Variants in CLEC16A observed in about 807,000 individuals in gnomAD.
CLEC16A encodes protein CLEC16A.
Under a neutral mutation model 109.5 loss-of-function variants are expected in CLEC16A, and 51 were observed. That is an observed-to-expected ratio of 0.47 (90% CI 0.37 to 0.59). The LOEUF is 0.59. Ranked by LOEUF, CLEC16A falls within the 20% of genes least tolerant of loss-of-function variation. The pLI, the probability that CLEC16A is intolerant of heterozygous loss-of-function variation, is 0.00. For synonymous variants in CLEC16A, 673 were observed against 564.2 expected, an observed-to-expected ratio of 1.19 and a Z score of -2.73; for missense variants, 1,339 against 1,394.0, an observed-to-expected ratio of 0.96 and a Z score of 0.63.
At chr16:11,151,098 C>G (rs1597574830) in intron 22 of CLEC16A, among the ~76,000 whole-genome samples, 1 of 152,150 alleles carries the variant, frequency 6.6e-6, no homozygotes, top group Non-Finnish European at 1.5e-5. Flanking sequence ...GGACTTCAAC[C>G]TAAGAATTTG....
intron 23 of CLEC16A, among the ~76,000 whole-genome samples, chr16:11,167,483 C>G (rs993766685): frequency 6.6e-6 from 1 of 152,152 alleles, no homozygotes; most frequent in Non-Finnish European, 1.5e-5. Flanking sequence ...AGGACACGGG[C>G]TACTGCAGAG....
chr16:11,039,175 C>T (rs2047183963), intron 13 of CLEC16A, among the ~76,000 whole-genome samples: 1 of 152,120 alleles, frequency 6.6e-6, no homozygotes, highest in African/African-American at 2.4e-5. Flanking sequence ...TTCCCTGTGT[C>T]TAGGAGAATG....
At chr16:11,008,743 C>A (rs2045202792) in intron 11 of CLEC16A, among the ~76,000 whole-genome samples, 1 of 150,658 alleles carries the variant, frequency 6.6e-6, no homozygotes, top group African/African-American at 2.5e-5. Flanking sequence ...GTAATCCCAG[C>A]ACTTTGGGAG....
chr16:11,168,663 C>T (rs1245071223), intron 23 of CLEC16A, among the ~76,000 whole-genome samples: 2 of 152,252 alleles, frequency 1.3e-5, no homozygotes, highest in Non-Finnish European at 2.9e-5. Context: ...TGAGGCCAGA[C>T]TTCTAGGCCA....
intron 1 of CLEC16A, among the ~76,000 whole-genome samples, chr16:10,945,760 C>T (rs2041328165): frequency 6.6e-6 from 1 of 152,236 alleles, no homozygotes; most frequent in African/African-American, 2.4e-5. Flanking sequence ...CCAGACCACC[C>T]TACCTAACGT....
intron 10 of CLEC16A, among the ~76,000 whole-genome samples, chr16:10,987,535 A>G (rs1372928717): frequency 6.6e-6 from 1 of 152,180 alleles, no homozygotes; most frequent in African/African-American, 2.4e-5. Context: ...GGACACCTGA[A>G]CTGAAAATGA....
At chr16:11,079,081 C>T (rs147226494) in intron 19 of CLEC16A, among the ~76,000 whole-genome samples, 3 of 152,316 alleles carry the variant, frequency 2.0e-5, no homozygotes, top group African/African-American at 7.2e-5. Context: ...CAGCCCCACA[C>T]ACAGCTACAT....
At chr16:11,053,990 C>T (rs1027685925) in intron 18 of CLEC16A, among the ~76,000 whole-genome samples, 1 of 152,206 alleles carries the variant, frequency 6.6e-6, no homozygotes, top group Non-Finnish European at 1.5e-5. Context: ...CCACCTGGAG[C>T]AGGAAGTGGG....
At chr16:11,046,752 G>A (rs2047655410) in intron 16 of CLEC16A, among the ~76,000 whole-genome samples, 2 of 152,186 alleles carry the variant, frequency 1.3e-5, no homozygotes, top group Admixed American at 6.5e-5. Flanking sequence ...CCACCGTGCT[G>A]TTCTGAAGGG....
At chr16:11,017,230 C>T (rs2045813687) in intron 11 of CLEC16A, among the ~76,000 whole-genome samples, 1 of 152,178 alleles carries the variant, frequency 6.6e-6, no homozygotes, top group East Asian at 1.9e-4. Flanking sequence ...CTAGACCAGT[C>T]GCTCATTTAT....
chr16:11,087,709 C>A (rs533770265), intron 19 of CLEC16A, among the ~76,000 whole-genome samples: 1 of 152,350 alleles, frequency 6.6e-6, no homozygotes, highest in Non-Finnish European at 1.5e-5. Flanking sequence ...TCACAATCAC[C>A]AGGAATGGCT....
At chr16:10,946,400 G>A (rs972328524) in intron 1 of CLEC16A, among the ~76,000 whole-genome samples, 1 of 152,178 alleles carries the variant, frequency 6.6e-6, no homozygotes, top group Non-Finnish European at 1.5e-5. Context: ...CTTGAAGAGT[G>A]GGGAGCAGGA....
chr16:10,985,259 G>A (rs1412529962), intron 10 of CLEC16A, among the ~76,000 whole-genome samples: 1 of 149,902 alleles, frequency 6.7e-6, no homozygotes, highest in Non-Finnish European at 1.5e-5. Flanking sequence ...GTGCCTGCTG[G>A]GTTGCAAACT....
chr16:10,979,473 C>A, intron 9 of CLEC16A, 91 bp downstream of exon 9: 1 of 1,119,322 alleles, frequency 8.9e-7, no homozygotes. Flanking sequence ...CTTATCACCC[C>A]ATCTTCTCTG....
At chr16:10,957,352 T>C (rs1359498298) in intron 1 of CLEC16A, among the ~76,000 whole-genome samples, 1 of 152,246 alleles carries the variant, frequency 6.6e-6, no homozygotes, top group East Asian at 1.9e-4. Context: ...GTGTTAGGCA[T>C]CCAGCCTGAG....
At chr16:11,096,409 C>T (rs978854621) in intron 19 of CLEC16A, among the ~76,000 whole-genome samples, 1 of 152,054 alleles carries the variant, frequency 6.6e-6, no homozygotes, top group African/African-American at 2.4e-5. Flanking sequence ...CCTGGATAAC[C>T]ACAGTCACAG....
intron 13 of CLEC16A, chr16:11,027,682 A>G (rs1037253613): frequency 3.2e-6 from 5 of 1,575,274 alleles, no homozygotes; most frequent in Non-Finnish European, 4.3e-6. Flanking sequence ...GCTACCAAAA[A>G]TAGAGTGGGC....
Position 11,166,424 on chromosome 16 carries a change from C to T in CLEC16A, c.2678C>T (p.Ser893Phe), listed in dbSNP as rs746681977. Residue 893 changes from serine (S) to phenylalanine (F), a missense_variant, in exon 23 of 24, where the codon TCC becomes TTC. Ser to Phe is a radical substitution (Grantham distance 155). This residue lies in a region of CLEC16A where 1,061 missense variants were observed against 1,006.8 expected (regional missense o/e 1.05). Transcript: ENST00000409790. ...GCCCAGTGCATAAACCAGCACAGCT[C>T]CCCGTCCCTGTCCTCACAGTCGCCA... ...AVAQCINQHS[S>F]PSLSSQSPPS... 7 of 1,606,218 alleles carry T rather than the reference C, an allele frequency of 4.4e-6. No homozygotes were observed. The highest frequency in any genetic ancestry group is 5.9e-6 in the Non-Finnish European group (7 of 1,179,698).
At chr16:11,137,968 A>T (rs2053647146) in intron 22 of CLEC16A, among the ~76,000 whole-genome samples, 1 of 152,168 alleles carries the variant, frequency 6.6e-6, no homozygotes, top group African/African-American at 2.4e-5. Flanking sequence ...AAGCCATTTG[A>T]TTTTCCACGT....
Sources: allele counts gnomAD v4.1 joint callset (sites outside exome capture counted in the v4.1 genomes callset), GRCh38; gene constraint gnomAD v4.1.1; regional missense constraint gnomAD v4.1.1; transcripts MANE v1.5; gene names NCBI Gene and HGNC (gene_info 2026-07-23, HGNC 2026-07-21).